OSBPL10: variants seen among roughly 807,000 people sequenced by gnomAD.
OSBPL10 encodes the protein oxysterol-binding protein-related protein 10.
In OSBPL10, 49 loss-of-function variants were observed where a neutral mutation model predicts 81.7. The observed-to-expected ratio is 0.60, with a 90% confidence interval of 0.48 to 0.76. The LOEUF is 0.76. Among genes scored for constraint, OSBPL10 ranks in the 30% least tolerant of loss-of-function variants. The probability of loss-of-function intolerance (pLI) is 0.00; values close to 1 mark genes in which losing one functional copy is unlikely to be tolerated. For missense variants in OSBPL10, 923 were observed against 987.8 expected (o/e 0.93, Z 0.88); for synonymous variants, 419 against 383.6 (o/e 1.09, Z -1.08).
rs777944090 is a variant in OSBPL10, at chr3:31,876,407, C to T, written c.537+26G>A. On this transcript the variant is annotated intron_variant, in intron 3 of 11. Transcript: ENST00000396556. ...AAAGCCAGGCTGGTTATTCGAATGC[C>T]TCCTTCCTTTCTCACGGTGACTTAC... is the stretch of plus-strand genomic sequence containing the variant. 17 of 1,574,788 alleles carry T rather than the reference C, an allele frequency of 1.1e-5. No homozygotes were observed. The East Asian group carries it at 3.4e-4, about 31-fold the overall frequency.
At chr3:31,898,951 CTTTTTTT>C (rs201574850) in intron 1 of OSBPL10, among the ~76,000 whole-genome samples, 14 of 87,342 alleles carry the variant, frequency 1.6e-4, no homozygotes, top group African/African-American at 2.7e-4. Context: ...AACTTTAAAC[CTTTTTTT>C]TTTTTTTTTT....
intron 1 of OSBPL10, among the ~76,000 whole-genome samples, chr3:31,967,646 A>G (rs1425197575): frequency 6.6e-6 from 1 of 151,998 alleles, no homozygotes; most frequent in Non-Finnish European, 1.5e-5. Context: ...AAAGGATAAA[A>G]ACAGTGAAAG....
chr3:32,012,237 T>A (rs578127564), intron 2 of OSBPL10, among the ~76,000 whole-genome samples: 2 of 152,292 alleles, frequency 1.3e-5, no homozygotes, highest in African/African-American at 4.8e-5. Flanking sequence ...GACTAACAGC[T>A]GATCTCTCGG....
chr3:31,840,969 C>T (rs1029318143), intron 3 of OSBPL10, among the ~76,000 whole-genome samples: 2 of 152,172 alleles, frequency 1.3e-5, no homozygotes, highest in African/African-American at 2.4e-5. Flanking sequence ...AGTGCAATGG[C>T]GTGATCTCGG....
At chr3:31,916,863 G>C (rs1320021064) in intron 1 of OSBPL10, among the ~76,000 whole-genome samples, 1 of 152,140 alleles carries the variant, frequency 6.6e-6, no homozygotes, top group Non-Finnish European at 1.5e-5. Flanking sequence ...CCTGAAAATG[G>C]TTGCTTATCT....
chr3:31,773,424 G>A (rs978232099), intron 4 of OSBPL10, among the ~76,000 whole-genome samples: 3 of 152,124 alleles, frequency 2.0e-5, no homozygotes, highest in Admixed American at 2.0e-4. Context: ...GCTCACAATA[G>A]TTCTCATCAC....
chr3:31,891,653 G>A (rs1459505637), intron 1 of OSBPL10, among the ~76,000 whole-genome samples: 1 of 152,188 alleles, frequency 6.6e-6, no homozygotes, highest in Admixed American at 6.5e-5. Flanking sequence ...CAACAAGACA[G>A]AACTTGAGAG....
intron 3 of OSBPL10, among the ~76,000 whole-genome samples, chr3:31,859,829 C>G (rs865972580): frequency 1.3e-5 from 2 of 152,144 alleles, no homozygotes; most frequent in Non-Finnish European, 2.9e-5. Context: ...ATTACAGCAC[C>G]CTTACCTTGT....
At chr3:31,730,510 A>G (rs1310340615) in intron 6 of OSBPL10, among the ~76,000 whole-genome samples, 2 of 152,180 alleles carry the variant, frequency 1.3e-5, no homozygotes, top group Non-Finnish European at 2.9e-5. Context: ...TTTTTGTTGA[A>G]AAAATTGTTT....
At chr3:31,698,887 T>A (rs933965153) in intron 7 of OSBPL10, among the ~76,000 whole-genome samples, 14 of 152,154 alleles carry the variant, frequency 9.2e-5, no homozygotes, top group African/African-American at 3.4e-4. Context: ...TTCATCTCCA[T>A]CTCCTTTTCT....
intron 7 of OSBPL10, among the ~76,000 whole-genome samples, chr3:31,684,549 T>C (rs1190611942): frequency 6.6e-6 from 1 of 152,114 alleles, no homozygotes; most frequent in Admixed American, 6.5e-5. Context: ...CTCACAAACA[T>C]GGATACTGGG....
At chr3:31,846,852 T>C (rs1370876471) in intron 3 of OSBPL10, among the ~76,000 whole-genome samples, 1 of 152,144 alleles carries the variant, frequency 6.6e-6, no homozygotes, top group Non-Finnish European at 1.5e-5. Context: ...ATTTTCCTCC[T>C]GTATCTGAGT....
chr3:31,974,192 C>T (rs1698636482), intron 1 of OSBPL10, among the ~76,000 whole-genome samples: 1 of 152,176 alleles, frequency 6.6e-6, no homozygotes, highest in Admixed American at 6.5e-5. Context: ...AAAACATGTT[C>T]AGCCTCAGTA....
chr3:31,807,988 C>A (rs1304669780), intron 4 of OSBPL10, among the ~76,000 whole-genome samples: 2 of 152,112 alleles, frequency 1.3e-5, no homozygotes, highest in Non-Finnish European at 2.9e-5. Flanking sequence ...TAAAGAATAA[C>A]AGAGAATTCA....
intron 2 of OSBPL10, among the ~76,000 whole-genome samples, chr3:32,043,645 A>G (rs1178507041): frequency 6.6e-6 from 1 of 151,774 alleles, no homozygotes; most frequent in Non-Finnish European, 1.5e-5. Context: ...CAACACTATC[A>G]CTCCTTTCTC....
Position 32,065,467 on chromosome 3 carries a change from C to T in OSBPL10, n.185+11929G>A, listed in dbSNP as rs541661600. On this transcript the variant is annotated intron_variant and non_coding_transcript_variant, in intron 1 of 3. Coordinates refer to the OSBPL10 transcript ENST00000479173. ...TCATTGGGCTGACAAAGACTCTATC[C>T]TTTGAGCAGAACTTTGGCCAGGCTC... The T allele has an allele frequency of 2.2e-5, 2 of 92,800 alleles. 1 individual carries two copies. The highest frequency in any genetic ancestry group is 8.2e-4 in the South Asian group (2 of 2,426). 5.7% of individuals were successfully genotyped at this position (92,800 alleles called of 1,614,324 possible).
intron 3 of OSBPL10, among the ~76,000 whole-genome samples, chr3:31,857,413 T>C (rs1163387781): frequency 6.6e-6 from 1 of 151,796 alleles, no homozygotes; most frequent in East Asian, 2.0e-4. Flanking sequence ...TCAAGGACAT[T>C]AGATGTTAAG....
rs1206142333 is a variant in OSBPL10 at position 31,903,322 on chromosome 3, C to A, written c.282-23492G>T. Among the ~76,000 whole-genome samples, 3 of 126,832 alleles carry A rather than the reference C, an allele frequency of 2.4e-5. No individual in the cohort carries two copies. In the Admixed American group the frequency reaches 2.5e-4, roughly 11 times the overall value. The allele number at this position is 126,832 out of a possible 152,430, so 83.2% of individuals were successfully genotyped here. A position where few individuals can be genotyped will look rare whatever the true frequency, so the allele number is the denominator to read the frequency against. ...TATTATAATCCCTTGTTTTGTTTTG[C>A]TTTTTAGGTTTTTTTTTTTTTTTTA... On this transcript the variant is annotated intron_variant, in intron 1 of 11. Transcript: ENST00000396556.
At position 32,028,928 on chromosome 3, in the gene OSBPL10, ACACACACACACACAC is replaced by A. The variant is rs1699441456; in HGVS notation, n.298+17548_298+17562del. 3.3e-3 allele frequency among the ~76,000 whole-genome samples: 322 copies of A among 97,718 alleles called. 5 individuals carry two copies. The highest frequency in any genetic ancestry group is 0.012 in the African/African-American group (234 of 19,574). The allele number at this position is 97,718 out of a possible 152,430, so 64.1% of individuals were successfully genotyped here. On this transcript the variant is annotated intron_variant and non_coding_transcript_variant, in intron 2 of 3. Transcript: ENST00000479173. ...TTGTTACAGTAGGTAGCTAGTCAGG[ACACACACACACACAC>A]ACACACACACACACACACACACACA...
Sources: allele counts gnomAD v4.1 joint callset (sites outside exome capture counted in the v4.1 genomes callset), GRCh38; gene constraint gnomAD v4.1.1; transcripts MANE v1.5; gene names NCBI Gene and HGNC (gene_info 2026-07-23, HGNC 2026-07-21).